ASTN2: variants seen among roughly 807,000 people sequenced by gnomAD.
ASTN2 encodes the protein astrotactin 2.
Under a neutral mutation model 139.8 loss-of-function variants are expected in ASTN2, and 54 were observed. That is an observed-to-expected ratio of 0.39 (90% CI 0.31 to 0.48). The LOEUF (loss-of-function observed/expected upper bound fraction) is 0.48, where lower values mean the gene tolerates loss of function less well. Ranked by LOEUF, ASTN2 falls within the 20% of genes least tolerant of loss-of-function variation. The probability of loss-of-function intolerance (pLI) is 0.95; values close to 1 mark genes in which losing one functional copy is unlikely to be tolerated. For missense variants in ASTN2, 1,565 were observed against 1,725.1 expected (o/e 0.91, Z 1.64); for synonymous variants, 756 against 719.5 (o/e 1.05, Z -0.81).
intron 19 of ASTN2, among the ~76,000 whole-genome samples, chr9:116,577,734 G>A (rs1420232318): frequency 6.6e-6 from 1 of 152,152 alleles, no homozygotes; most frequent in African/African-American, 2.4e-5. Flanking sequence ...TGACCCTGTG[G>A]AGAAGGGATT....
intron 3 of ASTN2, among the ~76,000 whole-genome samples, chr9:117,152,781 C>T (rs1383279309): frequency 6.6e-6 from 1 of 152,094 alleles, no homozygotes; most frequent in Non-Finnish European, 1.5e-5. Context: ...CACTTCTTCC[C>T]TAAGAACTTG....
At chr9:116,935,288 C>A (rs1279988828) in intron 10 of ASTN2, among the ~76,000 whole-genome samples, 1 of 152,146 alleles carries the variant, frequency 6.6e-6, no homozygotes, top group Non-Finnish European at 1.5e-5. Flanking sequence ...GTTCTATATA[C>A]CAGAATATGA....
intron 5 of ASTN2, among the ~76,000 whole-genome samples, chr9:117,060,344 G>C (rs7860929): frequency 3.4e-5 from 2 of 58,950 alleles, no homozygotes; most frequent in African/African-American, 1.6e-4. Context: ...GAAAGAAAGA[G>C]AGAAAGAAAG....
chr9:117,171,799 T>C (rs1267085099), intron 3 of ASTN2, among the ~76,000 whole-genome samples: 1 of 152,150 alleles, frequency 6.6e-6, no homozygotes, highest in East Asian at 1.9e-4. Flanking sequence ...GTGACTCAAT[T>C]AAACCTCTTT....
intron 1 of ASTN2, among the ~76,000 whole-genome samples, chr9:117,386,966 G>T (rs1318163951): frequency 1.3e-5 from 2 of 152,158 alleles, no homozygotes; most frequent in East Asian, 3.9e-4. Context: ...TGGGTTAGGG[G>T]CCAGTCCTGC....
rs1564399880 is a variant in ASTN2 at position 117,046,020 on chromosome 9, GTA to G, written c.1277-6057_1277-6056del. 6.0e-3 allele frequency among the ~76,000 whole-genome samples: 908 copies of G among 150,856 alleles called. 4 individuals carry two copies. Among genetic ancestry groups the G allele is most frequent in the East Asian group, 0.021 (105 of 5,066 alleles). On this transcript the variant is annotated intron_variant, in intron 5 of 22. Transcript: ENST00000313400. ...TGTATGTATGTATGTATGTATGTAT[GTA>G]TGTAGTCTCACTCTGTCACCCAGGC...
At chr9:117,042,644 TATAA>T (rs1218354227) in intron 5 of ASTN2, among the ~76,000 whole-genome samples, 1 of 151,772 alleles carries the variant, frequency 6.6e-6, no homozygotes, top group Non-Finnish European at 1.5e-5. Flanking sequence ...TATTTATAAA[TATAA>T]ATAGATAAAA....
chr9:117,112,515 C>T (rs565407375), intron 4 of ASTN2, among the ~76,000 whole-genome samples: 8 of 152,044 alleles, frequency 5.3e-5, no homozygotes, highest in South Asian at 4.2e-4. Flanking sequence ...GTCAAAGGAA[C>T]GTCTTTTCAA....
At position 117,289,431 on chromosome 9, in the gene ASTN2, C is replaced by G. The variant is rs544807887; in HGVS notation, c.630+1895G>C. On this transcript the variant is annotated intron_variant, in intron 2 of 22. Transcript: ENST00000313400. ...GGAAAGTTGAGGAAAACCTACCATC[C>G]TGGGGAGAAAGTCTGATTCAGTGAA... Among the ~76,000 whole-genome samples the G allele has an allele frequency of 3.7e-4, 57 of 152,264 alleles. 2 individuals carry two copies. The South Asian group carries it at 0.011, about 30-fold the overall frequency.
At chr9:116,784,003 AATTTT>A (rs536762037) in intron 13 of ASTN2, among the ~76,000 whole-genome samples, 9 of 152,214 alleles carry the variant, frequency 5.9e-5, no homozygotes, top group Admixed American at 3.3e-4. Context: ...TACAAATATT[AATTTT>A]ATTTTTCACA....
At chr9:117,356,616 C>T (rs547596303) in intron 1 of ASTN2, among the ~76,000 whole-genome samples, 15 of 152,038 alleles carry the variant, frequency 9.9e-5, no homozygotes, top group South Asian at 4.2e-4. Context: ...AATTTTAATG[C>T]GCTTCCATGT....
At chr9:116,790,978 A>AGAAAGAAAAGAAAGAAG (rs1564268932) in intron 13 of ASTN2, among the ~76,000 whole-genome samples, 20 of 66,012 alleles carry the variant, frequency 3.0e-4, no homozygotes, top group Non-Finnish European at 3.3e-4. Context: ...AAAGAAAGAA[A>AGAAAGAAAAGAAAGAAG]GAAAGAAAGA....
At chr9:116,459,816 G>A (rs1277147634) in intron 20 of ASTN2, among the ~76,000 whole-genome samples, 1 of 152,022 alleles carries the variant, frequency 6.6e-6, no homozygotes, top group Non-Finnish European at 1.5e-5. Flanking sequence ...ATGCAGAACG[G>A]TGCAGCCATA....
At chr9:117,304,154 G>A (rs1834943050) in intron 1 of ASTN2, among the ~76,000 whole-genome samples, 1 of 152,216 alleles carries the variant, frequency 6.6e-6, no homozygotes, top group South Asian at 2.1e-4. Flanking sequence ...ACTAAGCTCA[G>A]CGTAAATAAC....
intron 7 of ASTN2, among the ~76,000 whole-genome samples, chr9:116,979,219 G>A (rs1302162217): frequency 6.6e-6 from 1 of 152,126 alleles, no homozygotes; most frequent in African/African-American, 2.4e-5. Context: ...AGTATGGAGT[G>A]AAGAATGGGT....
At chr9:116,455,906 GT>G (rs1162372399) in intron 20 of ASTN2, among the ~76,000 whole-genome samples, 2 of 151,990 alleles carry the variant, frequency 1.3e-5, no homozygotes, top group Admixed American at 1.3e-4. Context: ...CACACAGCTA[GT>G]ATTATACCAA....
chr9:117,185,961 T>C (rs1831186657), intron 3 of ASTN2, among the ~76,000 whole-genome samples: 1 of 152,066 alleles, frequency 6.6e-6, no homozygotes, highest in African/African-American at 2.4e-5. Flanking sequence ...CTTGTGTTCC[T>C]CAAGGAACAG....
chr9:116,873,587 T>A (rs1417375690), intron 10 of ASTN2, among the ~76,000 whole-genome samples: 3 of 152,244 alleles, frequency 2.0e-5, no homozygotes, highest in Non-Finnish European at 2.9e-5. Flanking sequence ...TAACATAGAT[T>A]ATCTCATTTA....
chr9:116,516,192 A>T (rs1343655947), intron 19 of ASTN2, among the ~76,000 whole-genome samples: 1 of 152,184 alleles, frequency 6.6e-6, no homozygotes, highest in Non-Finnish European at 1.5e-5. Flanking sequence ...TATCCTGTGT[A>T]TTGCAGAAAT....
Sources: gnomAD v4.1 joint callset for allele counts (sites outside exome capture counted in the v4.1 genomes callset) on GRCh38, gnomAD v4.1.1 for gene constraint, MANE v1.5 for transcripts, NCBI Gene and HGNC (gene_info 2026-07-23, HGNC 2026-07-21) for gene names.